PTPRG: variants seen among roughly 807,000 people sequenced by gnomAD.
PTPRG encodes receptor-type tyrosine-protein phosphatase gamma.
In PTPRG, 102 loss-of-function variants were observed where a neutral mutation model predicts 165.3. The observed-to-expected ratio is 0.62, with a 90% CI of 0.53 to 0.73. The LOEUF is 0.73. Among genes scored for constraint, PTPRG ranks in the 30% least tolerant of loss-of-function variants. The pLI is 0.00. For synonymous variants in PTPRG, 675 were observed against 669.5 expected (o/e 1.01, Z -0.13); for missense variants, 1,866 against 1,861.4 (o/e 1.00, Z -0.05).
intron 1 of PTPRG, among the ~76,000 whole-genome samples, chr3:61,581,789 T>A (rs901164425): frequency 6.6e-6 from 1 of 151,892 alleles, no homozygotes; most frequent in African/African-American, 2.4e-5. Flanking sequence ...TTTATATTTT[T>A]AGTAGAGACA....
intron 1 of PTPRG, among the ~76,000 whole-genome samples, chr3:61,740,710 C>A (rs959855761): frequency 6.6e-6 from 1 of 151,824 alleles, no homozygotes; most frequent in Non-Finnish European, 1.5e-5. Flanking sequence ...TCCTCTTTCC[C>A]TTGAATTGCC....
At chr3:61,825,788 G>A (rs2036090568) in intron 2 of PTPRG, among the ~76,000 whole-genome samples, 1 of 151,056 alleles carries the variant, frequency 6.6e-6, no homozygotes, top group African/African-American at 2.4e-5. Flanking sequence ...GAAGACTAGA[G>A]CTGTTCCCTA....
intron 1 of PTPRG, among the ~76,000 whole-genome samples, chr3:61,618,033 G>A (rs1003242686): frequency 1.3e-5 from 2 of 152,208 alleles, no homozygotes; most frequent in South Asian, 2.1e-4. Flanking sequence ...CTTACAAAGC[G>A]GCCAGGTGGT....
At chr3:61,888,473 G>A (rs2038117370) in intron 2 of PTPRG, among the ~76,000 whole-genome samples, 1 of 151,946 alleles carries the variant, frequency 6.6e-6, no homozygotes, top group Non-Finnish European at 1.5e-5. Flanking sequence ...AGCTGGGACT[G>A]GCCCCTGCCA....
At chr3:61,900,715 C>G (rs2038476455) in intron 2 of PTPRG, among the ~76,000 whole-genome samples, 1 of 152,090 alleles carries the variant, frequency 6.6e-6, no homozygotes, top group African/African-American at 2.4e-5. Flanking sequence ...TAACAAATAT[C>G]AGACAAGTTA....
chr3:61,949,725 CTTTG>C (rs1452027257), intron 2 of PTPRG, among the ~76,000 whole-genome samples: 6 of 132,898 alleles, frequency 4.5e-5, no homozygotes, highest in African/African-American at 1.9e-4. Context: ...CCTTTGGATT[CTTTG>C]TTTTTTTTTT....
chr3:61,756,489 A>G (rs1234997201), intron 2 of PTPRG, among the ~76,000 whole-genome samples: 1 of 152,226 alleles, frequency 6.6e-6, no homozygotes, highest in South Asian at 2.1e-4. Flanking sequence ...GAATTTTTCA[A>G]TACTTGGCCA....
At chr3:61,723,009 G>C (rs1211730727) in intron 1 of PTPRG, among the ~76,000 whole-genome samples, 1 of 151,830 alleles carries the variant, frequency 6.6e-6, no homozygotes, top group Non-Finnish European at 1.5e-5. Flanking sequence ...AAATTTAGAG[G>C]AGTTGGTTTT....
At chr3:61,976,129 G>A (rs916722056) in intron 2 of PTPRG, among the ~76,000 whole-genome samples, 1 of 152,146 alleles carries the variant, frequency 6.6e-6, no homozygotes, top group South Asian at 2.1e-4. Context: ...GCATTTCAGC[G>A]AGATCCTTGA....
chr3:61,647,790 T>A (rs1270838544), intron 1 of PTPRG, among the ~76,000 whole-genome samples: 5 of 3,298 alleles, frequency 1.5e-3, no homozygotes, highest in Non-Finnish European at 2.4e-3. Flanking sequence ...AGACTCCGTC[T>A]CAAAAAAAAA....
intron 2 of PTPRG, among the ~76,000 whole-genome samples, chr3:61,755,509 G>A (rs2033606435): frequency 6.6e-6 from 1 of 152,108 alleles, no homozygotes; most frequent in African/African-American, 2.4e-5. Flanking sequence ...TAATCTTACA[G>A]TTTTAAAGTA....
chr3:61,734,695 C>A (rs980476502), intron 1 of PTPRG, among the ~76,000 whole-genome samples: 1 of 152,048 alleles, frequency 6.6e-6, no homozygotes. Flanking sequence ...GACTCTTCAA[C>A]GTTAGTGTAT....
intron 8 of PTPRG, among the ~76,000 whole-genome samples, chr3:62,189,477 A>C (rs2106799688): frequency 6.6e-6 from 1 of 152,224 alleles, no homozygotes. Flanking sequence ...GGTCAGAACC[A>C]AGCCGTGGTC....
At chr3:61,792,692 CTTTCTTTCTTTCTTTCTTT>C (rs2034917453) in intron 2 of PTPRG, among the ~76,000 whole-genome samples, 7 of 24,212 alleles carry the variant, frequency 2.9e-4, no homozygotes, top group African/African-American at 2.4e-3. Flanking sequence ...TTCTTTCTTT[CTTTCTTTCTTTCTTTCTTT>C]CTTTCTTTCT....
At chr3:62,274,907 AT>A (rs953526724) in intron 23 of PTPRG, among the ~76,000 whole-genome samples, 7 of 151,574 alleles carry the variant, frequency 4.6e-5, no homozygotes, top group East Asian at 1.9e-4. Flanking sequence ...CGTTTCTTCA[AT>A]TTTTTTTTAT....
intron 1 of PTPRG, among the ~76,000 whole-genome samples, chr3:61,707,545 C>T (rs2031325603): frequency 1.3e-5 from 2 of 152,168 alleles, no homozygotes; most frequent in Admixed American, 6.5e-5. Flanking sequence ...CTCTTGTTAG[C>T]AGGGAAGGTT....
chr3:62,221,740 T>C (rs1290201033), intron 13 of PTPRG, among the ~76,000 whole-genome samples: 1 of 152,250 alleles, frequency 6.6e-6, no homozygotes, highest in Non-Finnish European at 1.5e-5. Flanking sequence ...ACCTGCTCAC[T>C]GTGGCAGCAT....
At chr3:61,676,820 T>C (rs1457801839) in intron 1 of PTPRG, among the ~76,000 whole-genome samples, 2 of 152,198 alleles carry the variant, frequency 1.3e-5, no homozygotes, top group African/African-American at 4.8e-5. Flanking sequence ...GGGTAACTGT[T>C]GGAATGTGGA....
At chr3:61,618,188 G>A (rs1279742074) in intron 1 of PTPRG, among the ~76,000 whole-genome samples, 1 of 151,998 alleles carries the variant, frequency 6.6e-6, no homozygotes, top group African/African-American at 2.4e-5. Context: ...TGTGAAAGAT[G>A]GCAGGCTTAA....
Sources: allele counts gnomAD v4.1 joint callset (sites outside exome capture counted in the v4.1 genomes callset), GRCh38; gene constraint gnomAD v4.1.1; transcripts MANE v1.5; gene names NCBI Gene and HGNC (gene_info 2026-07-23, HGNC 2026-07-21).